The following CADM2 variants were observed in gnomAD, a reference collection of about 807,000 sequenced individuals.
The protein encoded by CADM2 is immunoglobulin superfamily member 4D.
CADM2 carries 12 observed loss-of-function variants against 49.8 expected under a neutral mutation model. The observed-to-expected ratio is 0.24, with a 90% CI of 0.15 to 0.39. CADM2 has a LOEUF of 0.39. Ranked by LOEUF, CADM2 falls within the 10% of genes least tolerant of loss-of-function variation. CADM2 has a pLI of 1.00. For missense variants in CADM2, 378 were observed against 492.3 expected, an observed-to-expected ratio of 0.77 and a Z score of 2.20; for synonymous variants, 214 against 175.4, an observed-to-expected ratio of 1.22 and a Z score of -1.74.
At chr3:85,229,317 G>A (rs1452889093) in intron 1 of CADM2, among the ~76,000 whole-genome samples, 9 of 152,174 alleles carry the variant, frequency 5.9e-5, no homozygotes, top group Non-Finnish European at 7.3e-5. Context: ...AAGACCATGG[G>A]AAAAGTGCAG....
chr3:85,322,848 A>G (rs2044652038), intron 1 of CADM2, among the ~76,000 whole-genome samples: 1 of 152,188 alleles, frequency 6.6e-6, no homozygotes, highest in African/African-American at 2.4e-5. Context: ...ATGGAATGGG[A>G]AATTCAAACT....
intron 2 of CADM2, among the ~76,000 whole-genome samples, chr3:85,761,358 A>T (rs958964744): frequency 3.3e-5 from 5 of 150,984 alleles, no homozygotes; most frequent in Non-Finnish European, 5.9e-5. Flanking sequence ...GTTGATATAC[A>T]ACACAAAACT....
intron 1 of CADM2, among the ~76,000 whole-genome samples, chr3:85,694,993 A>C (rs2066507104): frequency 6.6e-6 from 1 of 152,156 alleles, no homozygotes; most frequent in Admixed American, 6.5e-5. Context: ...TCTAAAAGGA[A>C]AATTTTCTGC....
intron 1 of CADM2, among the ~76,000 whole-genome samples, chr3:85,117,473 C>A (rs1355363132): frequency 6.6e-6 from 1 of 151,900 alleles, no homozygotes; most frequent in Non-Finnish European, 1.5e-5. Flanking sequence ...ATGTCATGAG[C>A]CATCAATTAT....
chr3:85,440,176 T>G (rs1576557212), intron 1 of CADM2, among the ~76,000 whole-genome samples: 1 of 152,196 alleles, frequency 6.6e-6, no homozygotes, highest in African/African-American at 2.4e-5. Context: ...TACACTTGTG[T>G]CTAATTTATA....
At chr3:85,295,211 C>T (rs1342815194) in intron 1 of CADM2, among the ~76,000 whole-genome samples, 4 of 152,126 alleles carry the variant, frequency 2.6e-5, no homozygotes, top group African/African-American at 9.7e-5. Context: ...CACTGGCCAT[C>T]AGAGAAATGC....
chr3:85,756,129 T>A (rs1047281059), intron 2 of CADM2, among the ~76,000 whole-genome samples: 3 of 151,798 alleles, frequency 2.0e-5, no homozygotes, highest in Non-Finnish European at 2.9e-5. Flanking sequence ...GGTGTTTGAA[T>A]CTCTTGTGAC....
chr3:85,371,677 GTATATATATATATATATATA>G (rs1167720851), intron 1 of CADM2, among the ~76,000 whole-genome samples: 9 of 95,154 alleles, frequency 9.5e-5, no homozygotes, highest in East Asian at 3.1e-4. Context: ...GTGTGTGTGT[GTATATATATATATATATATA>G]TATATATATA....
chr3:85,536,192 GA>G (rs1189292741), intron 1 of CADM2, among the ~76,000 whole-genome samples: 1 of 151,854 alleles, frequency 6.6e-6, no homozygotes, highest in African/African-American at 2.4e-5. Flanking sequence ...TAAAATATAA[GA>G]AAAGTTGAAG....
intron 1 of CADM2, among the ~76,000 whole-genome samples, chr3:85,340,528 G>T (rs2045212071): frequency 6.6e-6 from 1 of 151,436 alleles, no homozygotes; most frequent in South Asian, 2.1e-4. Flanking sequence ...ATATATGTAT[G>T]TATATATTGA....
chr3:85,090,628 C>A (rs2037559959), intron 1 of CADM2, among the ~76,000 whole-genome samples: 1 of 152,116 alleles, frequency 6.6e-6, no homozygotes, highest in Non-Finnish European at 1.5e-5. Context: ...TGCTCTAGAC[C>A]AGGGCTGTGG....
chr3:85,459,972 T>A (rs1043707101), intron 1 of CADM2, among the ~76,000 whole-genome samples: 59 of 152,322 alleles, frequency 3.9e-4, no homozygotes, highest in African/African-American at 1.3e-3. Flanking sequence ...ATTAACATAT[T>A]TTAAAGAGAT....
At chr3:85,969,298 C>G (rs1039600767) in intron 8 of CADM2, among the ~76,000 whole-genome samples, 1 of 151,502 alleles carries the variant, frequency 6.6e-6, no homozygotes, top group Non-Finnish European at 1.5e-5. Context: ...TCTCTCATCA[C>G]TCTTCACACA....
At chr3:85,343,204 G>A (rs946464885) in intron 1 of CADM2, among the ~76,000 whole-genome samples, 16 of 152,238 alleles carry the variant, frequency 1.1e-4, no homozygotes, top group African/African-American at 3.9e-4. Flanking sequence ...GCCAACTGTG[G>A]CAACATAGAG....
chr3:85,588,778 A>G (rs1345802588), intron 1 of CADM2, among the ~76,000 whole-genome samples: 6 of 151,992 alleles, frequency 3.9e-5, no homozygotes, highest in Non-Finnish European at 8.8e-5. Context: ...ATCAGGGCAG[A>G]CACTCTGGTA....
At chr3:85,601,664 A>G (rs2063411355) in intron 1 of CADM2, among the ~76,000 whole-genome samples, 1 of 151,524 alleles carries the variant, frequency 6.6e-6, no homozygotes. Flanking sequence ...GTTAATGAGT[A>G]TTTGAATCTG....
At chr3:85,466,037 T>G (rs139846710) in intron 1 of CADM2, among the ~76,000 whole-genome samples, 1 of 152,332 alleles carries the variant, frequency 6.6e-6, no homozygotes, top group African/African-American at 2.4e-5. Context: ...TCCTTGTGGA[T>G]AAATCGTTTT....
chr3:85,850,377 A>T (rs866575196), intron 3 of CADM2, among the ~76,000 whole-genome samples: 9 of 130,804 alleles, frequency 6.9e-5, no homozygotes, highest in African/African-American at 1.1e-4. Flanking sequence ...CAGGCTGGAG[A>T]GCAGTGGCGC....
At chr3:85,413,163 AT>A (rs869047822) in intron 1 of CADM2, among the ~76,000 whole-genome samples, 1,131 of 99,614 alleles carry the variant, frequency 0.011, 38 homozygotes, top group Non-Finnish European at 0.014. Context: ...AAAAAAAAAA[AT>A]AATAATAATA....
Sources: gnomAD v4.1 joint callset for allele counts (sites outside exome capture counted in the v4.1 genomes callset) on GRCh38, gnomAD v4.1.1 for gene constraint, MANE v1.5 for transcripts, NCBI Gene and HGNC (gene_info 2026-07-23, HGNC 2026-07-21) for gene names.